The following NLRP4 variants were observed in gnomAD, a reference collection of about 807,000 sequenced individuals.
NLRP4 encodes NACHT, LRR and PYD domains-containing protein 4.
Under a neutral mutation model 84.7 loss-of-function variants are expected in NLRP4, and 44 were observed. That is an observed-to-expected ratio of 0.52 (90% CI 0.41 to 0.67). NLRP4 has a LOEUF of 0.67. Ranked by LOEUF, NLRP4 falls within the 30% of genes least tolerant of loss-of-function variation. The pLI is 0.00. For synonymous variants in NLRP4, 544 were observed against 476.4 expected (o/e 1.14, Z -1.85); for missense variants, 1,260 against 1,219.4 (o/e 1.03, Z -0.50).
At chr19:55,847,103 G>C (rs567501990) in intron 1 of NLRP4, among the ~76,000 whole-genome samples, 11 of 152,076 alleles carry the variant, frequency 7.2e-5, no homozygotes, top group African/African-American at 2.7e-4. Context: ...TTGGATCTTA[G>C]ATGCTATTAA....
chr19:55,873,132 A>G (rs1985252193), intron 7 of NLRP4, among the ~76,000 whole-genome samples: 1 of 152,214 alleles, frequency 6.6e-6, no homozygotes, highest in Non-Finnish European at 1.5e-5. Context: ...GATCCTTCCT[A>G]AAAGTAATTC....
chr19:55,847,188 C>A (rs1357224700), intron 1 of NLRP4, among the ~76,000 whole-genome samples: 3 of 152,088 alleles, frequency 2.0e-5, no homozygotes, highest in Admixed American at 2.0e-4. Flanking sequence ...TAATGGCCAC[C>A]CATGAATAAA....
chr19:55,879,643 G>A (rs1231814224), intron 9 of NLRP4, among the ~76,000 whole-genome samples: 1 of 152,194 alleles, frequency 6.6e-6, no homozygotes, highest in Non-Finnish European at 1.5e-5. Flanking sequence ...CACTGGCGCA[G>A]CTGCTGGCAT....
chr19:55,878,922 G>A lies in NLRP4; in HGVS notation c.2825G>A (p.Cys942Tyr). Residue 942 changes from cysteine (C) to tyrosine (Y), a missense_variant, in exon 9 of 10, where the codon TGT becomes TAT. By Grantham distance (194) the Cys-to-Tyr change is radical. This residue lies in a region of NLRP4 where 544 missense variants were observed against 531.7 expected (regional missense o/e 1.02). Coordinates refer to ENST00000301295, the MANE Select transcript of NLRP4 (RefSeq NM_134444.5). ...GACCACACAGGGGTGGTTGTACTCT[G>A]TGAGGCCCTGAGACACCCAGAGTGT... is the stretch of plus-strand genomic sequence containing the variant. ...TLDHTGVVVL[C>Y]EALRHPECAL... is the part of the protein sequence containing the mutation. 6.2e-6 allele frequency: 10 copies of A among 1,613,926 alleles called. No individual in the cohort carries two copies. Among genetic ancestry groups the A allele is most frequent in the Non-Finnish European group, 8.5e-6 (10 of 1,179,862 alleles).
At chr19:55,871,400 G>A (rs533919870) in intron 7 of NLRP4, among the ~76,000 whole-genome samples, 18 of 152,204 alleles carry the variant, frequency 1.2e-4, no homozygotes, top group African/African-American at 4.3e-4. Context: ...AAAAATACAC[G>A]TGAGAATTAA....
Position 55,852,192 on chromosome 19 carries a change from G to C in NLRP4, c.112G>C (p.Glu38Gln), listed in dbSNP as rs1600225410. The change falls in exon 2 of 10, where the codon GAA becomes CAA. Residue 38 changes from glutamate (E) to glutamine (Q), a missense_variant. Glu to Gln is a conservative substitution (Grantham distance 29). Coordinates refer to ENST00000301295, the MANE Select transcript of NLRP4 (RefSeq NM_134444.5). ...EHLKQMTLQL[E>Q]LKQIPWTEVK... is the part of the protein sequence containing the mutation. Reference sequence around the variant, plus strand: ...TCTCAAGCAAATGACTTTGCAGCTTGAACTCAAGCAGATTCCCTGGACTGA... The same window carrying C: ...TCTCAAGCAAATGACTTTGCAGCTTCAACTCAAGCAGATTCCCTGGACTGA... The C allele has an allele frequency of 3.1e-6, 5 of 1,607,994 alleles. No homozygotes were observed. In the East Asian group the frequency reaches 1.1e-4, roughly 36 times the overall value.
chr19:55,838,685 C>G (rs757291532), intron 1 of NLRP4, among the ~76,000 whole-genome samples: 1 of 152,120 alleles, frequency 6.6e-6, no homozygotes, highest in Non-Finnish European at 1.5e-5. Flanking sequence ...TATGGTGTCC[C>G]TCTACTCTTA....
At position 55,858,929 on chromosome 19, in the gene NLRP4, A is replaced by G. The variant is rs1381340589; in HGVS notation, c.1536A>G (p.Gln512=). The change falls in exon 3 of 10, where the codon CAA becomes CAG. Residue 512 remains glutamine (Q), a synonymous_variant. Transcript: ENST00000301295. The surrounding 1 kb of genome is among the most constrained non-coding windows in gnomAD (Gnocchi z 4.2). ...CTGGCCTTTTAAATAAAAAGGAACAAGAAAAACTGGATGCGTTTTTTGGCT... is the reference window on the plus strand; with the variant it reads ...CTGGCCTTTTAAATAAAAAGGAACAGGAAAAACTGGATGCGTTTTTTGGCT... The part of the protein sequence containing the change: ...FLTGLLNKKE[Q]EKLDAFFGFQ... 6.2e-7 allele frequency: 1 copy of G among 1,614,026 alleles called. No individual in the cohort carries two copies. The highest frequency in any genetic ancestry group is 8.5e-7 in the Non-Finnish European group (1 of 1,179,990).
intron 9 of NLRP4, among the ~76,000 whole-genome samples, chr19:55,879,355 C>T (rs1985501060): frequency 6.6e-6 from 1 of 152,116 alleles, no homozygotes; most frequent in Admixed American, 6.5e-5. Context: ...AAATGGATTG[C>T]CCGATCCATG....
chr19:55,849,297 C>T (rs7258704), intron 1 of NLRP4, among the ~76,000 whole-genome samples: 6,094 of 152,200 alleles, frequency 0.04, 164 homozygotes, highest in Middle Eastern at 0.071. Context: ...CTGGGTGTAT[C>T]GATTGCCACT....
In NLRP4 at chr19:55,858,317, AGT is replaced by A. The variant is rs773160721; in HGVS notation, c.927_928del (p.Tyr310PhefsTer22). ...GGGGATTCAACGAGAGTGATAGGTT[AGT>A]GTATTTCTGCTGTTTCTTCAAAGAC... ...PRGFNESDRL[V>X]YFCCFFKDPK... On this transcript the variant is annotated frameshift_variant, in exon 3 of 10. Transcript: ENST00000301295. LOFTEE classifies it high-confidence loss of function. The surrounding 1 kb of genome is among the most constrained non-coding windows in gnomAD (Gnocchi z 4.2). The A allele has an allele frequency of 1.1e-5, 17 of 1,614,028 alleles. No homozygotes were observed. The highest frequency in any genetic ancestry group is 5.0e-5 in the Admixed American group (3 of 60,002).
intron 1 of NLRP4, among the ~76,000 whole-genome samples, chr19:55,842,584 C>T (rs901248589): frequency 3.3e-5 from 5 of 151,304 alleles, no homozygotes; most frequent in African/African-American, 1.2e-4. Context: ...TATTTTCTGT[C>T]TCACAAGACT....
chr19:55,842,172 C>T (rs557175306), intron 1 of NLRP4, among the ~76,000 whole-genome samples: 1 of 152,152 alleles, frequency 6.6e-6, no homozygotes, highest in African/African-American at 2.4e-5. Context: ...TTTAGTCTTT[C>T]AACTTTCGTT....
intron 2 of NLRP4, among the ~76,000 whole-genome samples, chr19:55,854,548 A>G (rs1287380329): frequency 1.3e-5 from 2 of 152,194 alleles, no homozygotes; most frequent in East Asian, 3.8e-4. Context: ...ATCTTGTTCC[A>G]GTGAAATTGG....
At chr19:55,866,269 T>C (rs949949857) in intron 5 of NLRP4, among the ~76,000 whole-genome samples, 2 of 152,168 alleles carry the variant, frequency 1.3e-5, no homozygotes, top group African/African-American at 4.8e-5. Flanking sequence ...CTTGACCTCA[T>C]GTTCCGCCCT....
chr19:55,861,791 C>G (rs1984767271), intron 4 of NLRP4, among the ~76,000 whole-genome samples: 1 of 152,102 alleles, frequency 6.6e-6, no homozygotes, highest in African/African-American at 2.4e-5. Context: ...ATCCCCTTGT[C>G]CAGATAACCA....
intron 8 of NLRP4, among the ~76,000 whole-genome samples, chr19:55,877,570 T>G (rs997302354): frequency 1.4e-4 from 22 of 152,168 alleles, no homozygotes; most frequent in Non-Finnish European, 2.9e-5. Flanking sequence ...TGCCAGGGTT[T>G]AAAAAGTAGC....
chr19:55,844,645 C>T (rs1158357051), intron 1 of NLRP4, among the ~76,000 whole-genome samples: 1 of 152,140 alleles, frequency 6.6e-6, no homozygotes, highest in Non-Finnish European at 1.5e-5. Flanking sequence ...AGTATGACCT[C>T]ATCTTACATG....
rs1297266248 is a variant in NLRP4, at chr19:55,859,935, AAAAAAAAAAAAAAAAAAC to A, written c.1856+691_1856+708del. Reference sequence around the variant, plus strand: ...GTGAGACTCTCATCTCCAAAAAAAAAAAAAAAAAAAAAAAAAACAAAACACAAATCATACAAATTTTCT... The same window carrying A: ...GTGAGACTCTCATCTCCAAAAAAAAAAAAACACAAATCATACAAATTTTCT... On this transcript the variant is annotated intron_variant, in intron 3 of 9. Transcript: ENST00000301295. Among the ~76,000 whole-genome samples the A allele has an allele frequency of 1.4e-3, 192 of 134,122 alleles. 7 individuals are homozygous for A. The South Asian group carries it at 0.018, about 13-fold the overall frequency. The allele number at this position is 134,122 out of a possible 152,430, so 88.0% of individuals were successfully genotyped here.
Sources: allele counts gnomAD v4.1 joint callset (sites outside exome capture counted in the v4.1 genomes callset), GRCh38; gene constraint gnomAD v4.1.1; regional missense constraint gnomAD v4.1.1; non-coding constraint Gnocchi (gnomAD v3.1); transcripts MANE v1.5; gene names NCBI Gene and HGNC (gene_info 2026-07-23, HGNC 2026-07-21).